Variants in SLC61A1 observed in about 807,000 individuals in gnomAD.
The protein encoded by SLC61A1 is major facilitator superfamily domain containing 5.
At chr12:53,253,178 T>G in the SLC61A1 span, 1 of 1,614,142 alleles carries the variant, frequency 6.2e-7, no homozygotes, top group South Asian at 1.1e-5. Context: ...CTCCCTGACT[T>G]ACTCACTATG....
chr12:53,252,483 G>A, the SLC61A1 span: 2 of 1,311,840 alleles, frequency 1.5e-6, no homozygotes, highest in Non-Finnish European at 1.9e-6. Context: ...GAGGACGGGA[G>A]GTAATAGAAG....
the SLC61A1 span, chr12:53,254,046 G>A: frequency 1.2e-6 from 2 of 1,614,194 alleles, no homozygotes; most frequent in Non-Finnish European, 8.5e-7. Context: ...CGAAAAACAG[G>A]CACTCGGAAT....
At chr12:53,252,162 G>T in the SLC61A1 span, 1 of 1,433,508 alleles carries the variant, frequency 7.0e-7, no homozygotes, top group South Asian at 1.5e-5. Context: ...TGTGAGGGGC[G>T]GGAGCGCTGC....
At chr12:53,252,350 C>T in the SLC61A1 span, 1 of 1,343,718 alleles carries the variant, frequency 7.4e-7, no homozygotes, top group South Asian at 1.8e-5. Flanking sequence ...TGCCAGTGAC[C>T]TGGAGGAGTG....
At chr12:53,251,528 G>A in the SLC61A1 span, 1 of 576,960 alleles carries the variant, frequency 1.7e-6, no homozygotes, top group Admixed American at 3.4e-5. Flanking sequence ...TGCTGCCACT[G>A]AACTTTAGCC....
the SLC61A1 span, chr12:53,253,578 G>C: frequency 6.2e-7 from 1 of 1,613,870 alleles, no homozygotes; most frequent in East Asian, 2.2e-5. Flanking sequence ...TCGGACCGCC[G>C]CGTGCTGCTG....
the SLC61A1 span, chr12:53,251,844 A>C: frequency 6.5e-7 from 1 of 1,537,328 alleles, no homozygotes. Flanking sequence ...GACTGCGGGC[A>C]TCTTTCCCGA....
At chr12:53,254,286 G>GT in the SLC61A1 span, 2 of 1,425,090 alleles carry the variant, frequency 1.4e-6, no homozygotes, top group Non-Finnish European at 1.9e-6. Context: ...CTGTCCTGTG[G>GT]TTTCTCCTGC....
chr12:53,251,991 C>T, the SLC61A1 span: 1 of 1,536,106 alleles, frequency 6.5e-7, no homozygotes, highest in Non-Finnish European at 8.7e-7. Flanking sequence ...CTCCTATGGT[C>T]GCCCCTTCCC....
chr12:53,252,521 G>C, the SLC61A1 span: 4 of 1,368,458 alleles, frequency 2.9e-6, no homozygotes, highest in Admixed American at 6.6e-5. Context: ...CTGTGGGAAA[G>C]GGCAGTAGAA....
At chr12:53,251,669 G>T in the SLC61A1 span, 2 of 1,463,464 alleles carry the variant, frequency 1.4e-6, no homozygotes, top group Non-Finnish European at 1.8e-6. Flanking sequence ...TCTGCAGCCC[G>T]ACTCCAAGTT....
the SLC61A1 span, chr12:53,253,186 A>G: frequency 6.2e-7 from 1 of 1,614,192 alleles, no homozygotes; most frequent in South Asian, 1.1e-5. Flanking sequence ...CTTACTCACT[A>G]TGCTGCTTAA....
At chr12:53,253,622 A>G in the SLC61A1 span, 6 of 1,613,844 alleles carry the variant, frequency 3.7e-6, no homozygotes, top group African/African-American at 1.3e-5. Flanking sequence ...TGAGAGTGTC[A>G]TCTTCATCTT....
chr12:53,253,584 T>C, the SLC61A1 span: 2 of 1,614,000 alleles, frequency 1.2e-6, no homozygotes, highest in South Asian at 2.2e-5. Flanking sequence ...CGCCGCGTGC[T>C]GCTGTTGGGC....
chr12:53,252,427 C>G, the SLC61A1 span: 1 of 1,286,960 alleles, frequency 7.8e-7, no homozygotes, highest in Non-Finnish European at 9.8e-7. Flanking sequence ...GGAGGGATGC[C>G]CGGGACAGAG....
chr12:53,252,309 G>A, the SLC61A1 span: 1 of 1,384,212 alleles, frequency 7.2e-7, no homozygotes, highest in Non-Finnish European at 9.3e-7. Context: ...GATGTGGCAG[G>A]GCTGGGCAGG....
the SLC61A1 span, chr12:53,252,310 G>A: frequency 7.2e-7 from 1 of 1,383,770 alleles, no homozygotes; most frequent in Non-Finnish European, 9.3e-7. Flanking sequence ...ATGTGGCAGG[G>A]CTGGGCAGGG....
chr12:53,253,198 C>G, the SLC61A1 span: 1 of 1,614,268 alleles, frequency 6.2e-7, no homozygotes, highest in South Asian at 1.1e-5. Flanking sequence ...GCTGCTTAAC[C>G]AAACTCTCTC....
At chr12:53,252,618 C>T in the SLC61A1 span, 3 of 1,211,792 alleles carry the variant, frequency 2.5e-6, no homozygotes, top group Admixed American at 5.8e-5. Flanking sequence ...GTCTTCTTAC[C>T]CCTCCCTGCC....
Sources: gnomAD v4.1 joint callset for allele counts on GRCh38, gnomAD v4.1.1 for gene constraint, MANE v1.5 for transcripts, NCBI Gene and HGNC (gene_info 2026-07-23, HGNC 2026-07-21) for gene names.